UVRAG: variants seen among roughly 807,000 people sequenced by gnomAD.
UVRAG encodes UV radiation resistance-associated gene protein.
Under a neutral mutation model 78.0 loss-of-function variants are expected in UVRAG, and 19 were observed. The observed-to-expected ratio is 0.24, with a 90% CI of 0.17 to 0.36. The LOEUF (loss-of-function observed/expected upper bound fraction) is 0.36, where lower values mean the gene tolerates loss of function less well. Among genes scored for constraint, UVRAG ranks in the 10% least tolerant of loss-of-function variants. UVRAG has a pLI of 1.00. For missense variants in UVRAG, 740 were observed against 853.8 expected, an observed-to-expected ratio of 0.87 and a Z score of 1.66; for synonymous variants, 323 against 324.6, an observed-to-expected ratio of 1.00 and a Z score of 0.05.
chr11:76,112,297 C>T (rs117744957), intron 13 of UVRAG, among the ~76,000 whole-genome samples: 21 of 152,230 alleles, frequency 1.4e-4, no homozygotes, highest in Middle Eastern at 3.4e-3. Flanking sequence ...TACTTTGGAA[C>T]TACCTAAGAA....
intron 12 of UVRAG, among the ~76,000 whole-genome samples, chr11:76,020,243 T>A (rs1200024930): frequency 6.6e-6 from 1 of 152,134 alleles, no homozygotes; most frequent in Non-Finnish European, 1.5e-5. Context: ...GGTTCCCCTC[T>A]GGACCAGGAC....
At chr11:76,054,924 C>A (rs1006198824) in intron 12 of UVRAG, among the ~76,000 whole-genome samples, 8 of 152,214 alleles carry the variant, frequency 5.3e-5, no homozygotes, top group African/African-American at 1.7e-4. Context: ...TCATTAGAGT[C>A]TTTGGTATAA....
intron 6 of UVRAG, among the ~76,000 whole-genome samples, chr11:75,954,308 A>G (rs1335510380): frequency 2.0e-5 from 3 of 152,186 alleles, no homozygotes; most frequent in African/African-American, 7.2e-5. Flanking sequence ...AATTATGGTC[A>G]TGAATCATTT....
At chr11:75,960,545 T>C (rs1948890154) in intron 6 of UVRAG, among the ~76,000 whole-genome samples, 1 of 152,100 alleles carries the variant, frequency 6.6e-6, no homozygotes, top group East Asian at 1.9e-4. Context: ...GGCGGGCACA[T>C]TGCTTGAACA....
intron 12 of UVRAG, among the ~76,000 whole-genome samples, chr11:76,031,844 T>G (rs530737255): frequency 1.3e-5 from 2 of 152,204 alleles, no homozygotes; most frequent in South Asian, 2.1e-4. Context: ...AACACATCAG[T>G]GAGCGTGCCA....
chr11:75,953,335 A>G (rs957262591), intron 6 of UVRAG, among the ~76,000 whole-genome samples: 1 of 152,174 alleles, frequency 6.6e-6, no homozygotes, highest in Non-Finnish European at 1.5e-5. Context: ...ATGTAATTAA[A>G]TCTTTCCCAG....
At chr11:75,895,425 A>G (rs978796118) in intron 5 of UVRAG, among the ~76,000 whole-genome samples, 3 of 152,208 alleles carry the variant, frequency 2.0e-5, no homozygotes, top group African/African-American at 7.2e-5. Context: ...TCTCTTAACT[A>G]TAGAATACAA....
intron 13 of UVRAG, among the ~76,000 whole-genome samples, chr11:76,112,093 A>C (rs1456684218): frequency 1.3e-5 from 2 of 152,172 alleles, no homozygotes; most frequent in East Asian, 3.9e-4. Flanking sequence ...CCAGGGAATG[A>C]AAACAGACTG....
At position 75,959,136 on chromosome 11, in the gene UVRAG, A is replaced by T. The variant is rs146292787; in HGVS notation, c.594-2308A>T. 4.7e-3 allele frequency among the ~76,000 whole-genome samples: 720 copies of T among 152,312 alleles called. 6 individuals are homozygous for T. Among genetic ancestry groups the T allele is most frequent in the African/African-American group, 0.017 (692 of 41,556 alleles). ...GGCCCCAGGGTCTTCAGAGTTGCAA[A>T]TGAGCATTAGCTTCAACTTAAAATC... On this transcript the variant is annotated intron_variant, in intron 6 of 14. Transcript: ENST00000356136.
intron 14 of UVRAG, chr11:76,137,370 T>C (rs986340303): frequency 6.6e-6 from 3 of 456,124 alleles, no homozygotes; most frequent in Admixed American, 2.3e-5. Flanking sequence ...AGTCCCCTTA[T>C]TGTGTCATCG....
intron 13 of UVRAG, among the ~76,000 whole-genome samples, chr11:76,084,247 A>C (rs1345172876): frequency 6.6e-6 from 1 of 152,182 alleles, no homozygotes; most frequent in African/African-American, 2.4e-5. Context: ...ATACCCATTA[A>C]ATTCATACCA....
chr11:75,986,610 GATT>G (rs1949505724), intron 8 of UVRAG, among the ~76,000 whole-genome samples: 1 of 152,098 alleles, frequency 6.6e-6, no homozygotes, highest in South Asian at 2.1e-4. Flanking sequence ...TAAAAAATCG[GATT>G]ATTGAGATAT....
intron 13 of UVRAG, among the ~76,000 whole-genome samples, chr11:76,100,904 C>G (rs1951869073): frequency 6.6e-6 from 1 of 152,096 alleles, no homozygotes; most frequent in Admixed American, 6.6e-5. Context: ...ATAATGATCT[C>G]CAGCTCCATT....
intron 6 of UVRAG, among the ~76,000 whole-genome samples, chr11:75,936,928 T>C (rs1187014964): frequency 6.6e-6 from 1 of 152,120 alleles, no homozygotes; most frequent in Non-Finnish European, 1.5e-5. Flanking sequence ...CTGGCTGATT[T>C]AAAATTTTTT....
chr11:75,922,425 TG>T (rs758536575), intron 6 of UVRAG, among the ~76,000 whole-genome samples: 3 of 152,166 alleles, frequency 2.0e-5, no homozygotes, highest in Non-Finnish European at 2.9e-5. Context: ...TTATTGCTAT[TG>T]TTTTTTTAAG....
intron 4 of UVRAG, among the ~76,000 whole-genome samples, chr11:75,882,527 A>AT (rs1048332534): frequency 1.2e-4 from 18 of 151,272 alleles, no homozygotes; most frequent in African/African-American, 3.9e-4. Flanking sequence ...AAAAAAAAAA[A>AT]TTTTTTTTGA....
At chr11:76,125,999 G>T (rs1952382314) in intron 14 of UVRAG, among the ~76,000 whole-genome samples, 1 of 149,524 alleles carries the variant, frequency 6.7e-6, no homozygotes, top group African/African-American at 2.5e-5. Context: ...ACCCAGGCTG[G>T]AGTGCAGTGG....
intron 1 of UVRAG, among the ~76,000 whole-genome samples, chr11:75,830,963 G>A (rs1413657741): frequency 6.6e-6 from 1 of 152,190 alleles, no homozygotes; most frequent in Admixed American, 6.5e-5. Context: ...AGGCAACCTA[G>A]AAGTTATTTA....
intron 14 of UVRAG, chr11:76,137,439 A>G (rs751598230): frequency 2.0e-5 from 9 of 456,210 alleles, no homozygotes; most frequent in African/African-American, 2.0e-5. Context: ...TTCTTGTTCA[A>G]CTTTTTTAAG....
Sources: gnomAD v4.1 joint callset for allele counts (sites outside exome capture counted in the v4.1 genomes callset) on GRCh38, gnomAD v4.1.1 for gene constraint, MANE v1.5 for transcripts, NCBI Gene and HGNC (gene_info 2026-07-23, HGNC 2026-07-21) for gene names.